Variants in MCF2L2 observed in about 807,000 individuals in gnomAD.
MCF2L2 encodes probable guanine nucleotide exchange factor MCF2L2.
A neutral mutation model predicts 150.2 loss-of-function variants in MCF2L2; 102 were observed. The ratio of observed to expected loss-of-function variants is 0.68; its 90% CI spans 0.58 to 0.80. The LOEUF (loss-of-function observed/expected upper bound fraction) is 0.80, where lower values mean the gene tolerates loss of function less well. Among genes scored for constraint, MCF2L2 ranks in the 30% least tolerant of loss-of-function variants. The pLI is 0.00. For synonymous variants in MCF2L2, 465 were observed against 491.3 expected, an observed-to-expected ratio of 0.95 and a Z score of 0.71; for missense variants, 1,256 against 1,372.8, an observed-to-expected ratio of 0.91 and a Z score of 1.34.
At chr3:183,321,249 C>T (rs917910340) in intron 6 of MCF2L2, among the ~76,000 whole-genome samples, 3 of 152,014 alleles carry the variant, frequency 2.0e-5, no homozygotes, top group Non-Finnish European at 4.4e-5. Context: ...ACCAGCCTGG[C>T]CAACATGGTG....
intron 1 of MCF2L2, among the ~76,000 whole-genome samples, chr3:183,416,622 A>G (rs1379173661): frequency 6.6e-6 from 1 of 152,196 alleles, no homozygotes; most frequent in East Asian, 1.9e-4. Flanking sequence ...TGATTTTTCA[A>G]CTTTATAATG....
Position 183,181,326 on chromosome 3 carries a change from G to A in MCF2L2, c.3017-1167C>T, listed in dbSNP as rs1268503919. Among the ~76,000 whole-genome samples the A allele has an allele frequency of 4.6e-5, 7 of 152,110 alleles. No homozygotes were observed. The highest frequency in any genetic ancestry group is 1.7e-4 in the African/African-American group (7 of 41,406). Reference sequence around the variant, plus strand: ...GCTGTGTGAGTAACATGGGGGCGGGGGGGCAGCTGGGCAGCACCTCCCTGG... The same window carrying A: ...GCTGTGTGAGTAACATGGGGGCGGGAGGGCAGCTGGGCAGCACCTCCCTGG... On this transcript the variant is annotated intron_variant, in intron 27 of 29. Transcript: ENST00000328913. This position sits in a 1 kb window ranked among gnomAD's most constrained non-coding sequence, Gnocchi z 4.3.
At chr3:183,180,539 C>A (rs992770896) in intron 27 of MCF2L2, among the ~76,000 whole-genome samples, 2 of 152,148 alleles carry the variant, frequency 1.3e-5, no homozygotes, top group African/African-American at 4.8e-5. Flanking sequence ...TAATTAATGT[C>A]CATTTCCCAT....
Position 183,179,625 on chromosome 3 carries a change from C to A in MCF2L2, c.3173G>T (p.Arg1058Met). 3 of 1,614,190 alleles carry A rather than the reference C, an allele frequency of 1.9e-6. No individual in the cohort carries two copies. The highest frequency in any genetic ancestry group is 2.5e-6 in the Non-Finnish European group (3 of 1,180,004). The change falls in exon 29 of 30, where the codon AGG (arginine) becomes ATG (methionine). Residue 1058 changes from arginine to methionine, a missense_variant. Transcript: ENST00000328913. The surrounding 1 kb of genome is among the most constrained non-coding windows in gnomAD (Gnocchi z 4.2). ...TTTTTCTCCCTGGCTGCTTTCTCCC[C>A]TCTCCAGGAAAGCAGATTTGGAGGA... The part of the protein sequence containing the change: ...TCSSKSAFLE[R>M]GESSQGEKEE...
intron 10 of MCF2L2, among the ~76,000 whole-genome samples, chr3:183,300,518 C>T (rs940377108): frequency 2.6e-5 from 4 of 152,126 alleles, no homozygotes; most frequent in African/African-American, 7.2e-5. Context: ...TTACACAAAT[C>T]GTTAAATTAT....
chr3:183,354,445 A>G (rs1169415932), intron 3 of MCF2L2, among the ~76,000 whole-genome samples: 1 of 152,120 alleles, frequency 6.6e-6, no homozygotes, highest in Non-Finnish European at 1.5e-5. Context: ...AAAGCCTGCT[A>G]CATACCAAGA....
At chr3:183,206,846 C>A (rs1722490002) in intron 23 of MCF2L2, among the ~76,000 whole-genome samples, 1 of 150,234 alleles carries the variant, frequency 6.7e-6, no homozygotes, top group Non-Finnish European at 1.5e-5. Flanking sequence ...CCAGCCTGGG[C>A]AACAAGAGCA....
intron 25 of MCF2L2, among the ~76,000 whole-genome samples, chr3:183,196,222 G>C (rs1245029503): frequency 6.6e-6 from 1 of 152,134 alleles, no homozygotes; most frequent in Non-Finnish European, 1.5e-5. Context: ...GTCCTCTTCT[G>C]TCTGGTTACC....
intron 2 of MCF2L2, among the ~76,000 whole-genome samples, chr3:183,384,058 CA>C (rs1244026993): frequency 6.6e-6 from 1 of 152,214 alleles, no homozygotes; most frequent in African/African-American, 2.4e-5. Context: ...TGAACCTCCA[CA>C]TGGAGAAAAG....
intron 5 of MCF2L2, among the ~76,000 whole-genome samples, chr3:183,338,379 G>A (rs376552629): frequency 1.0e-4 from 15 of 149,274 alleles, no homozygotes; most frequent in African/African-American, 3.5e-4. Context: ...CCCGAGAGGC[G>A]AAGGTTGTGG....
chr3:183,184,296 C>A (rs966012848), intron 27 of MCF2L2, among the ~76,000 whole-genome samples: 2 of 152,200 alleles, frequency 1.3e-5, no homozygotes, highest in Admixed American at 1.3e-4. Context: ...AGATTACAGG[C>A]GTGAGCCACC....
intron 10 of MCF2L2, among the ~76,000 whole-genome samples, chr3:183,302,733 G>C (rs1002060899): frequency 6.6e-6 from 1 of 152,076 alleles, no homozygotes; most frequent in Non-Finnish European, 1.5e-5. Context: ...GGGTCATGCA[G>C]AGCTGAGTTC....
In MCF2L2 at chr3:183,278,358, A is replaced by ATG. The variant is rs747856599; in HGVS notation, c.1777-1403_1777-1402dup. On this transcript the variant is annotated intron_variant, in intron 14 of 29. Transcript: ENST00000328913. ...GGTCAGGCTTTGAAAGCCACTATGT[A>ATG]TGTGTGTGTGTGTGTACATAAAAGT... 1.9e-3 allele frequency among the ~76,000 whole-genome samples: 285 copies of ATG among 149,902 alleles called. 1 individual carries two copies. The highest frequency in any genetic ancestry group is 2.4e-3 in the Non-Finnish European group (158 of 67,210).
chr3:183,396,671 A>G (rs1210064858), intron 1 of MCF2L2, among the ~76,000 whole-genome samples: 1 of 152,206 alleles, frequency 6.6e-6, no homozygotes, highest in Non-Finnish European at 1.5e-5. Context: ...ATTAATTCAC[A>G]TATCACTGGC....
intron 14 of MCF2L2, among the ~76,000 whole-genome samples, chr3:183,279,156 A>AACACACACAC (rs374605194): frequency 6.9e-4 from 103 of 150,262 alleles, no homozygotes; most frequent in African/African-American, 2.3e-3. Flanking sequence ...AGAAGTACAT[A>AACACACACAC]ACACACACAC....
intron 15 of MCF2L2, among the ~76,000 whole-genome samples, chr3:183,268,046 T>A (rs1218723638): frequency 6.6e-6 from 1 of 152,164 alleles, no homozygotes; most frequent in East Asian, 1.9e-4. Context: ...ATGAGAAGCA[T>A]CTTTCAGGGA....
chr3:183,425,248 G>A (rs770466666), intron 1 of MCF2L2, among the ~76,000 whole-genome samples: 32 of 152,290 alleles, frequency 2.1e-4, no homozygotes, highest in Non-Finnish European at 4.1e-4. Flanking sequence ...GGGAGTGGGT[G>A]AAGAGAGATG....
rs762229591 is a variant in MCF2L2, at chr3:183,338,934, A to C, written c.367-15T>G. 1.3e-6 allele frequency: 2 copies of C among 1,592,836 alleles called. No homozygotes were observed. Among genetic ancestry groups the C allele is most frequent in the African/African-American group, 2.7e-5 (2 of 74,676 alleles). ...GGAAATGCCACCTGCAAGCATCAGG[A>C]AAAGTGTCAGGAGGAGAGAGAAAAA... On this transcript the variant is annotated splice_polypyrimidine_tract_variant and intron_variant, in intron 4 of 29. Transcript: ENST00000328913.
rs1729053555 is a variant in MCF2L2, at chr3:183,305,517, G to GT, written c.1113+4198dup. Among the ~76,000 whole-genome samples the GT allele has an allele frequency of 6.6e-6, 1 of 152,166 alleles. No individual in the cohort carries two copies. The highest frequency in any genetic ancestry group is 2.1e-4 in the South Asian group (1 of 4,818). ...TTGAGATGTTAGAGGGAAGATGTGT[G>GT]TAACAGGTCCAAATGGGTCTAGGGA... is the stretch of plus-strand genomic sequence containing the variant. On this transcript the variant is annotated intron_variant, in intron 10 of 29. Transcript: ENST00000328913. The surrounding 1 kb of genome is among the most constrained non-coding windows in gnomAD (Gnocchi z 4.1).
Sources: allele counts gnomAD v4.1 joint callset (sites outside exome capture counted in the v4.1 genomes callset), GRCh38; gene constraint gnomAD v4.1.1; non-coding constraint Gnocchi (gnomAD v3.1); transcripts MANE v1.5; gene names NCBI Gene and HGNC (gene_info 2026-07-23, HGNC 2026-07-21).